The following CCDC74A variants were observed in gnomAD, a reference collection of about 807,000 sequenced individuals.
The protein encoded by CCDC74A is coiled-coil domain containing 74A.
Under a neutral mutation model 37.6 loss-of-function variants are expected in CCDC74A, and 38 were observed. That is an observed-to-expected ratio of 1.01 (90% CI 0.78 to 1.33). The LOEUF (loss-of-function observed/expected upper bound fraction) is 1.33. Ranked by LOEUF, CCDC74A falls within the 40% of genes most tolerant of loss-of-function variation. The pLI is 0.00. For synonymous variants in CCDC74A, 134 were observed against 165.2 expected, an observed-to-expected ratio of 0.81 and a Z score of 1.45; for missense variants, 340 against 403.4, an observed-to-expected ratio of 0.84 and a Z score of 1.35.
rs373694975 is a variant in CCDC74A at position 131,529,728 on chromosome 2, C to T, written c.295+37C>T. ...GCCCTTCAGTGACTGATGGGATGCTCTTGCCACCCAGGGGAGCCCCTCCAG... is the reference window on the plus strand; with the variant it reads ...GCCCTTCAGTGACTGATGGGATGCTTTTGCCACCCAGGGGAGCCCCTCCAG... On this transcript the variant is annotated intron_variant, in intron 2 of 7. Transcript: ENST00000409856. The T allele has an allele frequency of 1.2e-4, 200 of 1,610,346 alleles. 1 individual carries two copies. In the Middle Eastern group the frequency reaches 5.3e-3, roughly 43 times the overall value.
At chr2:131,524,706 T>G (rs1041447291), upstream of CCDC74A, among the ~76,000 whole-genome samples, 2 of 151,940 alleles carry the variant, frequency 1.3e-5, no homozygotes, top group African/African-American at 2.4e-5. Flanking sequence ...CAGCACCTCC[T>G]CCTGCCTTCA....
At chr2:131,530,024 C>G in intron 2 of CCDC74A, 9 of 1,550,332 alleles carry the variant, frequency 5.8e-6, no homozygotes, top group Non-Finnish European at 7.8e-6. Context: ...AGATCTTTGC[C>G]TCAGATTGCT....
chr2:131,529,899 G>A, intron 2 of CCDC74A: 1 of 1,496,902 alleles, frequency 6.7e-7, no homozygotes, highest in Non-Finnish European at 8.9e-7. Context: ...CTCTCGGGAA[G>A]CCCAGGGCCT....
At chr2:131,526,136 C>CT (rs1236501101), upstream of CCDC74A, among the ~76,000 whole-genome samples, 2 of 137,496 alleles carry the variant, frequency 1.5e-5, no homozygotes, top group African/African-American at 2.6e-5. Flanking sequence ...ATTTTCTTTT[C>CT]TTTTTTTTCC....
chr2:131,532,201 T>C (rs1387944891), intron 4 of CCDC74A, among the ~76,000 whole-genome samples: 3 of 140,392 alleles, frequency 2.1e-5, no homozygotes, highest in Non-Finnish European at 4.8e-5. Context: ...TGGTGATCCC[T>C]GAGTTTGCGG....
intron 3 of CCDC74A, among the ~76,000 whole-genome samples, chr2:131,531,168 C>T (rs960749376): frequency 1.3e-5 from 2 of 152,150 alleles, no homozygotes; most frequent in African/African-American, 4.8e-5. Flanking sequence ...GTCCCTGCCA[C>T]AAGCAGGCAG....
intron 2 of CCDC74A, 48 bp from the exon 3 acceptor site, chr2:131,530,729 G>A (rs1166090959): frequency 1.6e-5 from 26 of 1,613,336 alleles, no homozygotes; most frequent in South Asian, 9.9e-5. Context: ...GGAGGCAAGC[G>A]TGGGCGTCTT....
At chr2:131,530,555 G>A (rs1166148904) in intron 2 of CCDC74A, 63 of 1,599,306 alleles carry the variant, frequency 3.9e-5, no homozygotes, top group Non-Finnish European at 5.0e-5. Context: ...TGTTCCATGT[G>A]TCCCAAGCCC....
At chr2:131,523,708 A>G (rs867827735), upstream of CCDC74A, among the ~76,000 whole-genome samples, 4 of 152,200 alleles carry the variant, frequency 2.6e-5, no homozygotes, top group African/African-American at 7.2e-5. Flanking sequence ...CTATTTCACT[A>G]AAGTGTTAAT....
rs527758119 is a variant in CCDC74A, at chr2:131,533,338, C to A, written c.879C>A (p.Ala293=). The part of the protein sequence containing the change: ...ALKQTPKNNF[A]ERQKRLQAMQ... ...AGCAGACCCCGAAGAACAACTTTGCCGAGAGGCAGAAGAGGCTGCAGGCAA... is the reference window on the plus strand; with the variant it reads ...AGCAGACCCCGAAGAACAACTTTGCAGAGAGGCAGAAGAGGCTGCAGGCAA... The change falls in exon 8 of 8, where the codon GCC becomes GCA. Residue 293 remains alanine (A), a synonymous_variant. Coordinates refer to ENST00000409856, the MANE Select transcript of CCDC74A (RefSeq NM_001258306.3). The A allele has an allele frequency of 6.2e-7, 1 of 1,613,548 alleles. No individual in the cohort carries two copies. The highest frequency in any genetic ancestry group is 8.5e-7 in the Non-Finnish European group (1 of 1,179,958).
At position 131,532,844 on chromosome 2, in the gene CCDC74A, C is replaced by A. The variant is rs752658649; in HGVS notation, c.679-20C>A. On this transcript the variant is annotated intron_variant, in intron 5 of 7. Coordinates refer to ENST00000409856, the MANE Select transcript of CCDC74A (RefSeq NM_001258306.3). ...TGGCACCGCCACAGGCCCCACCATG[C>A]CCCTGCCCCTGCCTTTCAGCTGCGG... 2.5e-6 allele frequency: 4 copies of A among 1,612,570 alleles called. No individual in the cohort carries two copies. The South Asian group carries it at 3.3e-5, about 13-fold the overall frequency.
Position 131,529,676 on chromosome 2 carries a change from A to C in CCDC74A, c.280A>C (p.Thr94Pro), listed in dbSNP as rs1414190446. Residue 94 changes from threonine (T) to proline (P), a missense_variant, in exon 2 of 8, where the codon ACA becomes CCA. By Grantham distance (38) the Thr-to-Pro change is conservative. Coordinates refer to ENST00000409856, the MANE Select transcript of CCDC74A (RefSeq NM_001258306.3). ...DLHYKLIMNQ[T>P]SQKKDSLSMS... Reference sequence around the variant, plus strand: ...CCATTACAAGCTCATAATGAATCAGACATCACAGAAGAAAGGTGAGAACTG... The same window carrying C: ...CCATTACAAGCTCATAATGAATCAGCCATCACAGAAGAAAGGTGAGAACTG... The C allele has an allele frequency of 2.0e-5, 32 of 1,614,030 alleles. No individual in the cohort carries two copies. Among genetic ancestry groups the C allele is most frequent in the Non-Finnish European group, 2.6e-5 (31 of 1,179,872 alleles).
At chr2:131,527,860 G>A, upstream of CCDC74A, 2 of 1,403,328 alleles carry the variant, frequency 1.4e-6, no homozygotes, top group Non-Finnish European at 1.8e-6. Context: ...CCCGCCAACC[G>A]CCTCGCGCCT....
upstream of CCDC74A, among the ~76,000 whole-genome samples, chr2:131,523,975 T>A (rs1388968278): frequency 6.6e-6 from 1 of 152,092 alleles, no homozygotes; most frequent in African/African-American, 2.4e-5. Context: ...AACACCACAC[T>A]TGACTTTCAT....
At chr2:131,523,106 G>T (rs978602456), upstream of CCDC74A, among the ~76,000 whole-genome samples, 3 of 152,296 alleles carry the variant, frequency 2.0e-5, no homozygotes, top group Middle Eastern at 6.8e-3. Flanking sequence ...GGGTCTCACT[G>T]TGTTACCAGG....
At chr2:131,527,445 T>C (rs1680390046), upstream of CCDC74A, among the ~76,000 whole-genome samples, 1 of 152,134 alleles carries the variant, frequency 6.6e-6, no homozygotes, top group Non-Finnish European at 1.5e-5. Context: ...TTTCTTTTAA[T>C]TTTTTAGAGA....
In CCDC74A at chr2:131,529,446, TAGGGAAC is replaced by T. The variant is rs1157192037; in HGVS notation, c.251-197_251-191del. 4.2e-5 allele frequency: 31 copies of T among 738,966 alleles called. No individual in the cohort carries two copies. The Middle Eastern group carries it at 1.8e-3, about 43-fold the overall frequency. 45.8% of individuals were successfully genotyped at this position (738,966 alleles called of 1,614,324 possible). The stretch of plus-strand genomic sequence containing the variant: ...GCCGATATGCCCGGTGGGCTCTGCC[TAGGGAAC>T]AGGCAGGGCCATTCCTGGCCTGACA... On this transcript the variant is annotated intron_variant, in intron 1 of 7. Coordinates refer to ENST00000409856, the MANE Select transcript of CCDC74A (RefSeq NM_001258306.3).
chr2:131,532,050 G>A (rs1368250247), intron 4 of CCDC74A, among the ~76,000 whole-genome samples: 2 of 150,544 alleles, frequency 1.3e-5, no homozygotes, highest in African/African-American at 2.4e-5. Flanking sequence ...CTGAGCCCAC[G>A]AGGGGGGCCA....
chr2:131,527,857 ACCG>A (rs1680434870), upstream of CCDC74A: 1 of 1,400,740 alleles, frequency 7.1e-7, no homozygotes, highest in Non-Finnish European at 9.3e-7. Context: ...GCCCCCGCCA[ACCG>A]CCTCGCGCCT....
Sources: gnomAD v4.1 joint callset for allele counts (sites outside exome capture counted in the v4.1 genomes callset) on GRCh38, gnomAD v4.1.1 for gene constraint, MANE v1.5 for transcripts, NCBI Gene and HGNC (gene_info 2026-07-23, HGNC 2026-07-21) for gene names.